TCF12: variants seen among roughly 807,000 people sequenced by gnomAD.
TCF12 encodes the protein transcription factor 12.
Under a neutral mutation model 86.0 loss-of-function variants are expected in TCF12, and 45 were observed. The ratio of observed to expected loss-of-function variants is 0.52; its 90% CI spans 0.41 to 0.67. The LOEUF is 0.67. TCF12 is among the 30% of genes least tolerant of loss of function. The pLI is 0.00. For missense variants in TCF12, 881 were observed against 859.9 expected (o/e 1.02, Z -0.31); for synonymous variants, 330 against 299.6 (o/e 1.10, Z -1.05).
intron 4 of TCF12, among the ~76,000 whole-genome samples, chr15:57,076,289 A>G (rs1405261566): frequency 1.3e-5 from 2 of 152,210 alleles, no homozygotes; most frequent in Non-Finnish European, 2.9e-5. Context: ...TGTATTAGTT[A>G]AAATTAAATA....
intron 5 of TCF12, among the ~76,000 whole-genome samples, chr15:57,131,496 T>TA (rs1463310282): frequency 6.6e-6 from 1 of 152,220 alleles, no homozygotes; most frequent in African/African-American, 2.4e-5. Context: ...AGTCCAATAT[T>TA]ACTGTTTTTA....
chr15:57,073,987 T>C (rs967936132), intron 4 of TCF12, among the ~76,000 whole-genome samples: 7 of 152,168 alleles, frequency 4.6e-5, no homozygotes, highest in Admixed American at 6.5e-5. Flanking sequence ...CCTGACCTCA[T>C]GATCCGCCTG....
chr15:57,168,718 T>C (rs2055083510), intron 6 of TCF12, among the ~76,000 whole-genome samples: 1 of 152,186 alleles, frequency 6.6e-6, no homozygotes, highest in Non-Finnish European at 1.5e-5. Flanking sequence ...ATCATTCTTC[T>C]GAATCTCTTC....
intron 5 of TCF12, among the ~76,000 whole-genome samples, chr15:57,116,666 A>G (rs2050859871): frequency 1.3e-5 from 2 of 152,028 alleles, no homozygotes; most frequent in Non-Finnish European, 2.9e-5. Flanking sequence ...ATTATGTAGT[A>G]TTTTCTAAGT....
At chr15:57,156,112 G>T (rs1181452050) in intron 5 of TCF12, among the ~76,000 whole-genome samples, 1 of 152,166 alleles carries the variant, frequency 6.6e-6, no homozygotes, top group Non-Finnish European at 1.5e-5. Flanking sequence ...GTCTCAAAAT[G>T]TATTAAACAA....
chr15:56,995,741 A>G (rs2063682605), intron 3 of TCF12, among the ~76,000 whole-genome samples: 1 of 152,040 alleles, frequency 6.6e-6, no homozygotes, highest in Non-Finnish European at 1.5e-5. Flanking sequence ...GTCCATGAAG[A>G]GAGAGAGCTC....
chr15:57,113,371 A>AT (rs1458709361), intron 5 of TCF12, among the ~76,000 whole-genome samples: 1 of 152,070 alleles, frequency 6.6e-6, no homozygotes, highest in African/African-American at 2.4e-5. Context: ...TATCATAGAC[A>AT]TTTGTGTACA....
chr15:57,180,660 A>C (rs2056272088), intron 6 of TCF12, among the ~76,000 whole-genome samples: 1 of 139,246 alleles, frequency 7.2e-6, no homozygotes, highest in African/African-American at 2.6e-5. Flanking sequence ...TAGAATAATA[A>C]CACAGCAGAG....
At chr15:56,975,510 T>C (rs2053745496) in intron 3 of TCF12, among the ~76,000 whole-genome samples, 1 of 152,176 alleles carries the variant, frequency 6.6e-6, no homozygotes, top group African/African-American at 2.4e-5. Flanking sequence ...TTTCAAATTA[T>C]TAGAATCTCA....
intron 8 of TCF12, among the ~76,000 whole-genome samples, 178 bp from the exon 9 acceptor site, chr15:57,230,974 A>G (rs2059111767): frequency 6.6e-6 from 1 of 151,198 alleles, no homozygotes; most frequent in Non-Finnish European, 1.5e-5. Context: ...AAACATGTGG[A>G]TGGTAATTAA....
chr15:56,977,648 G>A (rs890858284), intron 3 of TCF12, among the ~76,000 whole-genome samples: 7 of 152,136 alleles, frequency 4.6e-5, no homozygotes, highest in Non-Finnish European at 7.3e-5. Flanking sequence ...TTTGGCTGTT[G>A]AAATTGTTTT....
At chr15:56,922,243 A>T (rs2059826665) in intron 3 of TCF12, among the ~76,000 whole-genome samples, 1 of 151,936 alleles carries the variant, frequency 6.6e-6, no homozygotes, top group African/African-American at 2.4e-5. Context: ...AGGAACCTTC[A>T]GATTTACTTT....
intron 5 of TCF12, among the ~76,000 whole-genome samples, chr15:57,094,999 A>T (rs1181443872): frequency 6.6e-6 from 1 of 152,224 alleles, no homozygotes; most frequent in Non-Finnish European, 1.5e-5. Flanking sequence ...TTGCAACAGA[A>T]AGTGTGTTTA....
At chr15:57,019,550 T>C (rs1464952592) in intron 3 of TCF12, among the ~76,000 whole-genome samples, 1 of 152,042 alleles carries the variant, frequency 6.6e-6, no homozygotes, top group Non-Finnish European at 1.5e-5. Flanking sequence ...TGTTGCTGAT[T>C]GGTTGAGGAT....
chr15:56,948,121 C>CTT (rs112135157), intron 3 of TCF12, among the ~76,000 whole-genome samples: 1,731 of 146,762 alleles, frequency 0.012, 30 homozygotes, highest in African/African-American at 0.04. Context: ...ACAAAAATAC[C>CTT]TTTTTTTTTT....
chr15:57,212,300 T>A (rs1472536497), intron 8 of TCF12, among the ~76,000 whole-genome samples: 1 of 152,110 alleles, frequency 6.6e-6, no homozygotes, highest in Non-Finnish European at 1.5e-5. Context: ...TTGTTGTTTT[T>A]CTAGAGACGG....
At chr15:56,969,351 T>C (rs1170898690) in intron 3 of TCF12, among the ~76,000 whole-genome samples, 2 of 151,986 alleles carry the variant, frequency 1.3e-5, no homozygotes, top group East Asian at 1.9e-4. Context: ...GAAGATGTGA[T>C]TAAAATTTGG....
chr15:57,166,736 A>AT (rs1173734378), intron 6 of TCF12, among the ~76,000 whole-genome samples: 7 of 152,286 alleles, frequency 4.6e-5, no homozygotes, highest in Admixed American at 3.9e-4. Context: ...TTTCTGAGAA[A>AT]TTTTTTTGCA....
Position 57,262,268 on chromosome 15 carries a change from C to T in TCF12, c.1582+60C>T. ...ACAGAGATATCATTTGGAACACTGT[C>T]ACCTTTCTCACAGCTGGATTGACAT... On this transcript the variant is annotated intron_variant, in intron 17 of 20. Transcript: ENST00000333725. 2.6e-6 allele frequency: 3 copies of T among 1,169,850 alleles called. No homozygotes were observed. In the South Asian group the frequency reaches 4.1e-5, roughly 16 times the overall value. 72.5% of individuals were successfully genotyped at this position (1,169,850 alleles called of 1,614,324 possible).
Sources: allele counts gnomAD v4.1 joint callset (sites outside exome capture counted in the v4.1 genomes callset), GRCh38; gene constraint gnomAD v4.1.1; transcripts MANE v1.5; gene names NCBI Gene and HGNC (gene_info 2026-07-23, HGNC 2026-07-21).